Variants in LEPR observed in about 807,000 individuals in gnomAD.
The protein encoded by LEPR is leptin receptor, also known as OB receptor.
LEPR carries 56 observed loss-of-function variants against 114.7 expected under a neutral mutation model. That is an observed-to-expected ratio of 0.49 (90% confidence interval 0.39 to 0.61). The LOEUF (loss-of-function observed/expected upper bound fraction) is 0.61. Ranked by LOEUF, LEPR falls within the 20% of genes least tolerant of loss-of-function variation. The pLI is 0.00. For missense variants in LEPR, 1,202 were observed against 1,352.9 expected (o/e 0.89, Z 1.75); for synonymous variants, 443 against 461.4 (o/e 0.96, Z 0.51).
intron 2 of LEPR, among the ~76,000 whole-genome samples, chr1:65,541,156 G>A (rs1229642419): frequency 6.6e-6 from 1 of 152,028 alleles, no homozygotes; most frequent in Non-Finnish European, 1.5e-5. Context: ...AGTCCCACTG[G>A]TATTATCGTG....
chr1:65,531,582 G>T (rs1344837662), intron 2 of LEPR, among the ~76,000 whole-genome samples: 3 of 151,338 alleles, frequency 2.0e-5, no homozygotes. Context: ...ATTTTGTCCT[G>T]TTTTGCTCAC....
chr1:65,618,455 A>G (rs1008106698), intron 16 of LEPR, among the ~76,000 whole-genome samples: 6 of 151,976 alleles, frequency 3.9e-5, no homozygotes, highest in Admixed American at 1.3e-4. Flanking sequence ...CTTCCTGAGT[A>G]GCTGAGACTA....
intron 2 of LEPR, chr1:65,430,065 A>G (rs1193593645): frequency 1.3e-6 from 2 of 1,541,444 alleles, no homozygotes; most frequent in Admixed American, 1.7e-5. Context: ...TTTATTTTCT[A>G]TTGTTTTGCC....
rs1185272343 is a variant in LEPR, at chr1:65,519,153, T to TTTCC, written c.-20-46376_-20-46373dup. Reference sequence around the variant, plus strand: ...CTTCCTTCCTTCCTTCCTTCCTTCCTTTCCTTCCTTCCTTCCTTCCGGGTC... The same window carrying TTTCC: ...CTTCCTTCCTTCCTTCCTTCCTTCCTTTCCTTCCTTCCTTCCTTCCTTCCGGGTC... On this transcript the variant is annotated intron_variant, in intron 2 of 19. Coordinates refer to ENST00000349533, the MANE Select transcript of LEPR (RefSeq NM_002303.6). Among the ~76,000 whole-genome samples the TTTCC allele has an allele frequency of 4.5e-5, 5 of 112,202 alleles. No homozygotes were observed. The East Asian group carries it at 9.8e-4, about 22-fold the overall frequency. 73.6% of individuals were successfully genotyped at this position (112,202 alleles called of 152,430 possible).
intron 2 of LEPR, among the ~76,000 whole-genome samples, chr1:65,511,910 A>AC (rs1649053010): frequency 6.6e-6 from 1 of 152,184 alleles, no homozygotes; most frequent in African/African-American, 2.4e-5. Flanking sequence ...GTAAAGAAAT[A>AC]CCTGAGACTG....
chr1:65,452,296 C>A (rs1215582052), intron 2 of LEPR, among the ~76,000 whole-genome samples: 1 of 151,184 alleles, frequency 6.6e-6, no homozygotes, highest in African/African-American at 2.4e-5. Flanking sequence ...ATTGCCCTGG[C>A]CAGAACTTCC....
intron 5 of LEPR, among the ~76,000 whole-genome samples, chr1:65,573,881 G>A (rs769692805): frequency 5.5e-4 from 84 of 152,112 alleles, no homozygotes; most frequent in Non-Finnish European, 9.7e-4. Context: ...TCATTGCACT[G>A]TACACTTAAA....
intron 2 of LEPR, among the ~76,000 whole-genome samples, chr1:65,425,648 AGG>A (rs1646347639): frequency 7.1e-5 from 3 of 42,390 alleles, no homozygotes; most frequent in African/African-American, 4.4e-4. Flanking sequence ...GTCCTCAAAG[AGG>A]AGGTAAAGTT....
intron 2 of LEPR, among the ~76,000 whole-genome samples, chr1:65,541,877 T>C (rs1651213790): frequency 6.6e-6 from 1 of 152,160 alleles, no homozygotes; most frequent in Non-Finnish European, 1.5e-5. Context: ...CACTCAGAGA[T>C]TTTTTGAGAT....
Position 65,598,910 on chromosome 1 carries a change from G to A in LEPR, c.994+106G>A. On this transcript the variant is annotated intron_variant, in intron 8 of 19. Coordinates refer to ENST00000349533, the MANE Select transcript of LEPR (RefSeq NM_002303.6). ...TTTTGAGGCCTTAAAATGAAAGGAG[G>A]AACACAGTATCAACTTCCTTGTTTA... The A allele has an allele frequency of 1.6e-5, 24 of 1,520,538 alleles. No homozygotes were observed. In the South Asian group the frequency reaches 2.4e-4, roughly 15 times the overall value. The allele number at this position is 1,520,538 out of a possible 1,614,324, so 94.2% of individuals were successfully genotyped here. A position where few individuals can be genotyped will look rare whatever the true frequency, so the allele number is the denominator to read the frequency against.
intron 2 of LEPR, chr1:65,435,307 CCTT>C (rs1646543536): frequency 1.0e-6 from 1 of 984,902 alleles, no homozygotes; most frequent in East Asian, 1.1e-4. Flanking sequence ...ATGTTAATAA[CCTT>C]CTTTATGTTC....
Position 65,637,291 on chromosome 1 carries a change from A to G in LEPR, c.*276A>G. On this transcript the variant is annotated 3_prime_UTR_variant, in exon 20 of 20. Coordinates refer to ENST00000349533, the MANE Select transcript of LEPR (RefSeq NM_002303.6). ...GCTAGAAATAAGCCCAACAGACACC[A>G]TCTTTTGTGAGATGTAATTGTTTTT... 1 of 318,804 alleles carries G rather than the reference A, an allele frequency of 3.1e-6. No homozygotes were observed. The allele number at this position is 318,804 out of a possible 1,614,324, so 19.7% of individuals were successfully genotyped here.
intron 6 of LEPR, 150 bp downstream of exon 6, chr1:65,593,015 C>G: frequency 1.2e-6 from 1 of 848,232 alleles, no homozygotes; most frequent in East Asian, 2.7e-5. Context: ...TTAAGAGTGG[C>G]TTCTAGAATG....
chr1:65,573,149 C>A (rs1166087218), intron 5 of LEPR, among the ~76,000 whole-genome samples: 1 of 152,190 alleles, frequency 6.6e-6, no homozygotes, highest in Non-Finnish European at 1.5e-5. Context: ...ACAACAGTGG[C>A]ATATGGCCAA....
intron 10 of LEPR, among the ~76,000 whole-genome samples, chr1:65,603,647 A>G (rs1260468542): frequency 6.6e-6 from 1 of 151,756 alleles, no homozygotes; most frequent in African/African-American, 2.4e-5. Flanking sequence ...ATGCAGCCCA[A>G]CACAAATTTA....
intron 2 of LEPR, among the ~76,000 whole-genome samples, chr1:65,453,214 T>C (rs1646814101): frequency 6.6e-6 from 1 of 152,150 alleles, no homozygotes; most frequent in Admixed American, 6.5e-5. Flanking sequence ...ATTTTGTTGA[T>C]CCTTTCAAAA....
intron 2 of LEPR, among the ~76,000 whole-genome samples, chr1:65,449,312 G>A (rs114280901): frequency 0.02 from 2,589 of 126,988 alleles, 34 homozygotes; most frequent in Middle Eastern, 0.035. Flanking sequence ...AAGAGCAATT[G>A]AATTGTTTTG....
At position 65,420,738 on chromosome 1, in the gene LEPR, A is replaced by C. The variant is rs764647026; in HGVS notation, c.-99A>C. ...AGTTCGGGAGACATGGCGGGCGTTA[A>C]AGGTACATCGCGGTCCCCGGCTCGC... On this transcript the variant is annotated splice_region_variant and 5_prime_UTR_variant, in exon 1 of 20. Coordinates refer to ENST00000349533, the MANE Select transcript of LEPR (RefSeq NM_002303.6). 33 of 1,582,760 alleles carry C rather than the reference A, an allele frequency of 2.1e-5. No individual in the cohort carries two copies. Among genetic ancestry groups the C allele is most frequent in the South Asian group, 3.5e-5 (3 of 86,528 alleles).
Position 65,641,406 on chromosome 1 carries a change from A to C in LEPR, c.*4391A>C, listed in dbSNP as rs1301184086. The C allele has an allele frequency of 6.6e-6, 1 of 152,220 alleles. No homozygotes were observed. The highest frequency in any genetic ancestry group is 1.9e-4 in the East Asian group (1 of 5,200). The allele number at this position is 152,220 out of a possible 1,614,324, so 9.4% of individuals were successfully genotyped here. A position where few individuals can be genotyped will look rare whatever the true frequency, so the allele number is the denominator to read the frequency against. Reference sequence around the variant, plus strand: ...ATGTTATAAACGTAAGTGCCAAGATATGCATCACTAACTGTTCTATGAAAT... The same window carrying C: ...ATGTTATAAACGTAAGTGCCAAGATCTGCATCACTAACTGTTCTATGAAAT... On this transcript the variant is annotated 3_prime_UTR_variant, in exon 20 of 20. Coordinates refer to ENST00000349533, the MANE Select transcript of LEPR (RefSeq NM_002303.6).
Sources: allele counts gnomAD v4.1 joint callset (sites outside exome capture counted in the v4.1 genomes callset), GRCh38; gene constraint gnomAD v4.1.1; transcripts MANE v1.5; gene names NCBI Gene and HGNC (gene_info 2026-07-23, HGNC 2026-07-21).